ZNF800: variants seen among roughly 807,000 people sequenced by gnomAD.
The protein encoded by ZNF800 is zinc finger protein 800.
Under a neutral mutation model 59.5 loss-of-function variants are expected in ZNF800, and 13 were observed. That is an observed-to-expected ratio of 0.22 (90% CI 0.14 to 0.35). The LOEUF (loss-of-function observed/expected upper bound fraction) is 0.35. Ranked by LOEUF, ZNF800 falls within the 10% of genes least tolerant of loss-of-function variation. The pLI, the probability that ZNF800 is intolerant of heterozygous loss-of-function variation, is 1.00. For synonymous variants in ZNF800, 266 were observed against 265.7 expected (o/e 1.00, Z -0.01); for missense variants, 621 against 783.7 (o/e 0.79, Z 2.48).
intron 1 of ZNF800, chr7:127,363,068 T>G (rs1224706668): frequency 6.6e-6 from 1 of 152,116 alleles, no homozygotes; most frequent in African/African-American, 2.4e-5. Context: ...GGATTCCAAC[T>G]AGCATAGGTA....
chr7:127,363,459 T>A (rs1362554007), intron 1 of ZNF800: 1 of 151,612 alleles, frequency 6.6e-6, no homozygotes, highest in Non-Finnish European at 1.5e-5. Context: ...CCAATAAACA[T>A]TTATCAACAC....
rs757790955 is a variant in ZNF800 at position 127,374,918 on chromosome 7, G to T, written c.418C>A (p.Gln140Lys). Residue 140 changes from glutamine to lysine, a missense_variant, in exon 5 of 6, where the codon CAA becomes AAA. By Grantham distance (53) the Gln-to-Lys change is moderately conservative (BLOSUM62 1). This residue lies in a region of ZNF800 where 218 missense variants were observed against 230.8 expected (regional missense o/e 0.94). Transcript: ENST00000265827. ...GAAATATATTGAAATACTGCATTTT[G>T]ATTAGTTTCTATGGGTTCTAGCTTA... The part of the protein sequence containing the change: ...IIKLEPIETN[Q>K]NAVFQYISRT... 5.6e-6 allele frequency: 9 copies of T among 1,613,790 alleles called. No homozygotes were observed. Among genetic ancestry groups the T allele is most frequent in the East Asian group, 2.2e-5 (1 of 44,870 alleles).
chr7:127,344,920 G>A (rs1800030020), downstream of ZNF800, among the ~76,000 whole-genome samples: 2 of 152,226 alleles, frequency 1.3e-5, no homozygotes, highest in African/African-American at 4.8e-5. Context: ...CTGGGAAAGA[G>A]AAGACCTCTT....
At chr7:127,378,856 T>C (rs1800868256) in intron 3 of ZNF800, among the ~76,000 whole-genome samples, 1 of 152,120 alleles carries the variant, frequency 6.6e-6, no homozygotes, top group Non-Finnish European at 1.5e-5. Flanking sequence ...ATTATCTACT[T>C]GTGTGACCTT....
At position 127,374,305 on chromosome 7, in the gene ZNF800, C is replaced by A; in HGVS notation, c.1031G>T (p.Arg344Leu). The A allele has an allele frequency of 6.2e-7, 1 of 1,613,014 alleles. No homozygotes were observed. The highest frequency in any genetic ancestry group is 8.5e-7 in the Non-Finnish European group (1 of 1,179,738). Reference sequence around the variant, plus strand: ...AGCCTTTGAAGAAGACTTTTGTTTTCGAGTCTTAAAAGATTTTTTAGGAGA... The same window carrying A: ...AGCCTTTGAAGAAGACTTTTGTTTTAGAGTCTTAAAAGATTTTTTAGGAGA... ...SISPKKSFKT[R>L]KQKSSSKAEY... Residue 344 changes from arginine (R) to leucine (L), a missense_variant, in exon 5 of 6, where the codon CGA (arginine) becomes CTA (leucine). Arg to Leu is a moderately radical substitution (Grantham distance 102). Coordinates refer to ENST00000265827, the MANE Select transcript of ZNF800 (RefSeq NM_176814.5).
At chr7:127,372,446 C>CT (rs1372771388) in intron 5 of ZNF800, 1 of 298,412 alleles carries the variant, frequency 3.4e-6, no homozygotes, top group Non-Finnish European at 4.9e-6. Context: ...CACCACTGCA[C>CT]TCCAGCCTGG....
At chr7:127,382,567 T>C (rs772271845) in intron 3 of ZNF800, among the ~76,000 whole-genome samples, 4 of 152,118 alleles carry the variant, frequency 2.6e-5, no homozygotes, top group African/African-American at 7.2e-5. Context: ...ACAGTCAAGG[T>C]AGTAGAAGAA....
At chr7:127,349,080 G>C (rs1800124735) in intron 1 of ZNF800, among the ~76,000 whole-genome samples, 1 of 151,968 alleles carries the variant, frequency 6.6e-6, no homozygotes. Flanking sequence ...AAAAAAATCT[G>C]GGCTTTTGAG....
chr7:127,387,039 T>C (rs914640317), intron 2 of ZNF800, among the ~76,000 whole-genome samples: 3 of 152,066 alleles, frequency 2.0e-5, no homozygotes, highest in Non-Finnish European at 2.9e-5. Flanking sequence ...AAGGACACAT[T>C]TTTACAATAA....
In ZNF800 at chr7:127,374,056, G is replaced by A. The variant is rs1487365639; in HGVS notation, c.1280C>T (p.Pro427Leu). 1.2e-6 allele frequency: 2 copies of A among 1,614,092 alleles called. No homozygotes were observed. Among genetic ancestry groups the A allele is most frequent in the East Asian group, 2.2e-5 (1 of 44,882 alleles). Residue 427 changes from proline to leucine, a missense_variant, in exon 5 of 6, where the codon CCA (proline) becomes CTA (leucine). Physicochemically the swap from Pro to Leu is moderately conservative, Grantham distance 98. This residue lies in a region of ZNF800 where 185 missense variants were observed against 177.6 expected (regional missense o/e 1.04). Transcript: ENST00000265827. Reference sequence around the variant, plus strand: ...ATTTGTTCCCTTTAATTCATTCTGTGGAGAATGGGTAATGGAAGGGGGTGA... The same window carrying A: ...ATTTGTTCCCTTTAATTCATTCTGTAGAGAATGGGTAATGGAAGGGGGTGA... ...ESSPPSITHS[P>L]QNELKGTNHS...
rs1255800931 is a variant in ZNF800, at chr7:127,375,044, A to C, written c.302-10T>G. 3 of 1,530,476 alleles carry C rather than the reference A, an allele frequency of 2.0e-6. No homozygotes were observed. The highest frequency in any genetic ancestry group is 2.6e-6 in the Non-Finnish European group (3 of 1,145,648). The allele number at this position is 1,530,476 out of a possible 1,614,324, so 94.8% of individuals were successfully genotyped here. ...TTTACATCAGGAAGGTCTGTTAAGG[A>C]AAAAACAACATTTTAATCTGAAGTA... On this transcript the variant is annotated splice_polypyrimidine_tract_variant and intron_variant, in intron 4 of 5. Transcript: ENST00000265827.
downstream of ZNF800, among the ~76,000 whole-genome samples, chr7:127,369,275 T>C (rs1037469238): frequency 2.6e-5 from 4 of 152,272 alleles, no homozygotes; most frequent in South Asian, 2.1e-4. Context: ...CAAAGGTAGA[T>C]ATAATTTATA....
intron 1 of ZNF800, among the ~76,000 whole-genome samples, chr7:127,354,188 T>C (rs1800224997): frequency 6.6e-6 from 1 of 152,156 alleles, no homozygotes. Context: ...TTAGCTATTT[T>C]TGGTAACCAG....
chr7:127,365,941 AG>A (rs1800497256), downstream of ZNF800, among the ~76,000 whole-genome samples: 1 of 152,132 alleles, frequency 6.6e-6, no homozygotes, highest in African/African-American at 2.4e-5. Context: ...ATATTTACTG[AG>A]CTCTTCCCTG....
chr7:127,374,817 A>G lies in ZNF800; in HGVS notation c.519T>C (p.Thr173=), dbSNP rs1800742003. The G allele has an allele frequency of 6.2e-6, 10 of 1,613,382 alleles. No homozygotes were observed. Among genetic ancestry groups the G allele is most frequent in the Non-Finnish European group, 8.5e-6 (10 of 1,179,736 alleles). The change falls in exon 5 of 6, where the codon ACT becomes ACC. Residue 173 remains threonine, a synonymous_variant. Coordinates refer to ENST00000265827, the MANE Select transcript of ZNF800 (RefSeq NM_176814.5). The part of the protein sequence containing the change: ...PEQTEVQIQE[T]STEQSKTVPV... ...GTACTGTTTTTGACTGTTCAGTGCT[A>G]GTTTCCTGTATCTGAACTTCGGTTT...
intron 3 of ZNF800, among the ~76,000 whole-genome samples, chr7:127,382,944 C>T (rs977325452): frequency 1.3e-5 from 2 of 152,092 alleles, no homozygotes; most frequent in East Asian, 1.9e-4. Flanking sequence ...CTATTTAAAA[C>T]CACAGACACA....
At chr7:127,389,793 T>C (rs1308128682) in intron 2 of ZNF800, among the ~76,000 whole-genome samples, 1 of 152,070 alleles carries the variant, frequency 6.6e-6, no homozygotes, top group Non-Finnish European at 1.5e-5. Flanking sequence ...ACTAATACAA[T>C]TTTGTCTGAG....
At position 127,370,752 on chromosome 7, in the gene ZNF800, A is replaced by G. The variant is rs942807415; in HGVS notation, c.*1062T>C. ...CACAAAAACCTGCCCAAAATTTCATAAAGATAGATGTACTTCTGTTTTTCC... is the reference window on the plus strand; with the variant it reads ...CACAAAAACCTGCCCAAAATTTCATGAAGATAGATGTACTTCTGTTTTTCC... On this transcript the variant is annotated 3_prime_UTR_variant, in exon 6 of 6. Transcript: ENST00000265827. The G allele has an allele frequency of 3.3e-5, 5 of 152,584 alleles. No homozygotes were observed. The highest frequency in any genetic ancestry group is 3.3e-4 in the Admixed American group (5 of 15,274). The allele number at this position is 152,584 out of a possible 1,614,324, so 9.5% of individuals were successfully genotyped here.
At chr7:127,380,576 A>G (rs1800947079) in intron 3 of ZNF800, among the ~76,000 whole-genome samples, 1 of 152,190 alleles carries the variant, frequency 6.6e-6, no homozygotes, top group South Asian at 2.1e-4. Context: ...CTTTCTTCAA[A>G]GTCAGCTACC....
Sources: allele counts gnomAD v4.1 joint callset (sites outside exome capture counted in the v4.1 genomes callset), GRCh38; gene constraint gnomAD v4.1.1; regional missense constraint gnomAD v4.1.1; transcripts MANE v1.5; gene names NCBI Gene and HGNC (gene_info 2026-07-23, HGNC 2026-07-21).